Variants in ADCY5 observed in about 807,000 individuals in gnomAD.
The protein encoded by ADCY5 is adenylate cyclase 5.
ADCY5 carries 30 observed loss-of-function variants against 119.7 expected under a neutral mutation model. The ratio of observed to expected loss-of-function variants is 0.25; its 90% CI spans 0.19 to 0.34. ADCY5 has a LOEUF of 0.34. Among genes scored for constraint, ADCY5 ranks in the 10% least tolerant of loss-of-function variants. The probability of loss-of-function intolerance (pLI) is 1.00; values close to 1 mark genes in which losing one functional copy is unlikely to be tolerated. For missense variants in ADCY5, 1,324 were observed against 1,775.2 expected (o/e 0.75, Z 4.57); for synonymous variants, 753 against 762.2 (o/e 0.99, Z 0.20).
At chr3:123,445,103 C>T (rs1174240408) in intron 1 of ADCY5, among the ~76,000 whole-genome samples, 2 of 152,170 alleles carry the variant, frequency 1.3e-5, no homozygotes, top group Non-Finnish European at 2.9e-5. Flanking sequence ...TGTCTTGAAC[C>T]ACTCATAACA....
intron 7 of ADCY5, among the ~76,000 whole-genome samples, chr3:123,325,889 G>A (rs550908828): frequency 6.6e-6 from 1 of 152,352 alleles, no homozygotes; most frequent in Admixed American, 6.5e-5. Context: ...TACTCTGTGG[G>A]GCAGGGTGAT....
Position 123,339,888 on chromosome 3 carries a change from G to A in ADCY5, c.1407-7213C>T, listed in dbSNP as rs190138716. Reference sequence around the variant, plus strand: ...AAGGAAGAAGAAACTGCAAGACCTAGCAATAGTTAGTGACCTCAGGGGGGA... The same window carrying A: ...AAGGAAGAAGAAACTGCAAGACCTAACAATAGTTAGTGACCTCAGGGGGGA... On this transcript the variant is annotated intron_variant, in intron 3 of 20. Transcript: ENST00000462833. 1.5e-3 allele frequency among the ~76,000 whole-genome samples: 227 copies of A among 152,352 alleles called. 1 individual carries two copies. The highest frequency in any genetic ancestry group is 4.4e-3 in the African/African-American group (185 of 41,584).
intron 11 of ADCY5, among the ~76,000 whole-genome samples, chr3:123,317,216 G>T (rs1940956884): frequency 6.6e-6 from 1 of 152,158 alleles, no homozygotes; most frequent in African/African-American, 2.4e-5. Context: ...GGCTTTGTCG[G>T]AGACACAGCC....
chr3:123,396,802 G>T (rs1944597818), intron 1 of ADCY5, among the ~76,000 whole-genome samples: 1 of 139,718 alleles, frequency 7.2e-6, no homozygotes, highest in Non-Finnish European at 1.5e-5. Flanking sequence ...AGGCAGGCAG[G>T]CAGGCAGGCA....
intron 14 of ADCY5, among the ~76,000 whole-genome samples, chr3:123,301,972 T>C (rs1301197274): frequency 6.6e-6 from 1 of 152,194 alleles, no homozygotes; most frequent in Non-Finnish European, 1.5e-5. Context: ...GGCCAAGCCC[T>C]GCTCCTCCCT....
intron 1 of ADCY5, among the ~76,000 whole-genome samples, chr3:123,433,490 G>A (rs2107647944): frequency 6.6e-6 from 1 of 152,330 alleles, no homozygotes. Flanking sequence ...TAATCTCAAA[G>A]ATCTACTTAG....
At chr3:123,342,889 G>A (rs1037554734) in intron 3 of ADCY5, among the ~76,000 whole-genome samples, 15 of 152,106 alleles carry the variant, frequency 9.9e-5, no homozygotes, top group East Asian at 1.9e-4. Context: ...CTCTCTGGTC[G>A]TCCACCCTGC....
intron 18 of ADCY5, among the ~76,000 whole-genome samples, 183 bp from the exon 19 acceptor site, chr3:123,290,137 C>G (rs1939052937): frequency 6.6e-6 from 1 of 152,142 alleles, no homozygotes; most frequent in African/African-American, 2.4e-5. Context: ...ACAGCCAGGC[C>G]CCTCCACACT....
At chr3:123,297,057 G>A in intron 16 of ADCY5, 1 of 1,535,888 alleles carries the variant, frequency 6.5e-7, no homozygotes, top group East Asian at 2.4e-5. Context: ...ACAGGCTCCT[G>A]GGGAAGAGCT....
intron 1 of ADCY5, among the ~76,000 whole-genome samples, chr3:123,439,904 T>G (rs1408063624): frequency 6.6e-6 from 1 of 152,216 alleles, no homozygotes; most frequent in African/African-American, 2.4e-5. Context: ...TGATATAGTA[T>G]CGGCAGTGCC....
At chr3:123,300,692 G>A (rs985254938) in intron 14 of ADCY5, among the ~76,000 whole-genome samples, 6 of 152,208 alleles carry the variant, frequency 3.9e-5, no homozygotes, top group Non-Finnish European at 7.3e-5. Flanking sequence ...CCTGGCTGCA[G>A]TGTCCAGCAC....
intron 1 of ADCY5, among the ~76,000 whole-genome samples, chr3:123,379,859 C>T (rs1390937122): frequency 6.6e-6 from 1 of 152,180 alleles, no homozygotes; most frequent in African/African-American, 2.4e-5. Context: ...TTAGCTAATA[C>T]ACAGGTTTCT....
chr3:123,392,725 CCT>C (rs1225955447), intron 1 of ADCY5, among the ~76,000 whole-genome samples: 1 of 152,060 alleles, frequency 6.6e-6, no homozygotes, highest in Non-Finnish European at 1.5e-5. Flanking sequence ...TCAGTCTCTG[CCT>C]CTCTGTCTCC....
chr3:123,332,465 C>A, intron 4 of ADCY5, 99 bp downstream of exon 4: 1 of 865,354 alleles, frequency 1.2e-6, no homozygotes, highest in Non-Finnish European at 1.9e-6. Context: ...TATACCCAGG[C>A]ACATGCCCAT....
chr3:123,344,181 C>T (rs1412149703), intron 3 of ADCY5, among the ~76,000 whole-genome samples: 1 of 152,206 alleles, frequency 6.6e-6, no homozygotes, highest in African/African-American at 2.4e-5. Flanking sequence ...TAGATCCAGG[C>T]CCAGCCTGTC....
chr3:123,379,366 T>A (rs1943951313), intron 1 of ADCY5, among the ~76,000 whole-genome samples: 1 of 151,828 alleles, frequency 6.6e-6, no homozygotes, highest in African/African-American at 2.4e-5. Context: ...TTTGGGGAAG[T>A]GGGGGAGCAT....
chr3:123,351,430 T>C (rs1192045470), intron 2 of ADCY5, among the ~76,000 whole-genome samples: 3 of 152,186 alleles, frequency 2.0e-5, no homozygotes, highest in East Asian at 1.9e-4. Context: ...AGGCAGACCT[T>C]CCATGTTCAT....
At chr3:123,331,424 G>A (rs192920102) in intron 4 of ADCY5, among the ~76,000 whole-genome samples, 69 of 152,342 alleles carry the variant, frequency 4.5e-4, no homozygotes, top group South Asian at 4.1e-4. Flanking sequence ...ACTCTGATTC[G>A]TTGCTTGAGA....
chr3:123,440,433 C>T (rs1945703435), intron 1 of ADCY5, among the ~76,000 whole-genome samples: 2 of 152,104 alleles, frequency 1.3e-5, no homozygotes, highest in South Asian at 2.1e-4. Flanking sequence ...AAAGCCTCTA[C>T]TGTCTCCTTG....
Sources: allele counts gnomAD v4.1 joint callset (sites outside exome capture counted in the v4.1 genomes callset), GRCh38; gene constraint gnomAD v4.1.1; transcripts MANE v1.5; gene names NCBI Gene and HGNC (gene_info 2026-07-23, HGNC 2026-07-21).